TAPT1: variants seen among roughly 807,000 people sequenced by gnomAD.
TAPT1 encodes the protein transmembrane anterior posterior transformation 1, also known as transmembrane anterior posterior transformation protein 1 homolog.
In TAPT1, 28 loss-of-function variants were observed where a neutral mutation model predicts 65.6. That is an observed-to-expected ratio of 0.43 (90% CI 0.32 to 0.59). The LOEUF is 0.59. Ranked by LOEUF, TAPT1 falls within the 20% of genes least tolerant of loss-of-function variation. The pLI, the probability that TAPT1 is intolerant of heterozygous loss-of-function variation, is 0.09. For synonymous variants in TAPT1, 278 were observed against 245.2 expected, an observed-to-expected ratio of 1.13 and a Z score of -1.25; for missense variants, 563 against 679.9, an observed-to-expected ratio of 0.83 and a Z score of 1.91.
chr4:16,176,199 A>G lies in TAPT1; in HGVS notation c.1027T>C (p.Cys343Arg). 1.3e-6 allele frequency: 2 copies of G among 1,570,912 alleles called. No individual in the cohort carries two copies. Among genetic ancestry groups the G allele is most frequent in the South Asian group, 2.4e-5 (2 of 84,268 alleles). Residue 343 changes from cysteine to arginine, a missense_variant, in exon 9 of 14, where the codon TGT becomes CGT. By Grantham distance (180) the Cys-to-Arg change is radical. Coordinates refer to ENST00000405303, the MANE Select transcript of TAPT1 (RefSeq NM_153365.3). ...GCAATTTCTGATGCAATTACCATACAGACATCTGGAAACAACACCCAGAGA... is the reference window on the plus strand; with the variant it reads ...GCAATTTCTGATGCAATTACCATACGGACATCTGGAAACAACACCCAGAGA... ...DHLWVLFPDV[C>R]MVIASEIAVD...
intron 13 of TAPT1, among the ~76,000 whole-genome samples, chr4:16,165,775 C>G (rs1747568443): frequency 2.0e-5 from 3 of 152,088 alleles, no homozygotes; most frequent in African/African-American, 7.2e-5. Context: ...ATACTTCACG[C>G]AAACCTCCCA....
chr4:16,178,650 AGTGCCTGTCCTT>A (rs1455457458), intron 8 of TAPT1, among the ~76,000 whole-genome samples: 7 of 152,218 alleles, frequency 4.6e-5, no homozygotes, highest in African/African-American at 9.6e-5. Flanking sequence ...ACATTGCCAC[AGTGCCTGTCCTT>A]GTGCCTAGAA....
intron 1 of TAPT1, among the ~76,000 whole-genome samples, chr4:16,218,457 G>A (rs982411314): frequency 6.6e-6 from 1 of 152,186 alleles, no homozygotes; most frequent in Non-Finnish European, 1.5e-5. Flanking sequence ...GTCTTCTCTG[G>A]TGACTGGAGA....
chr4:16,168,426 T>C (rs993661227), intron 12 of TAPT1, among the ~76,000 whole-genome samples: 4 of 152,162 alleles, frequency 2.6e-5, no homozygotes, highest in African/African-American at 7.2e-5. Context: ...GCTCCTTTCG[T>C]AGTCTCCCGT....
chr4:16,191,202 A>T, intron 4 of TAPT1, 159 bp downstream of exon 4: 1 of 683,522 alleles, frequency 1.5e-6, no homozygotes, highest in East Asian at 2.8e-5. Flanking sequence ...ATCAGAATCC[A>T]TGTTTAAGAA....
intron 11 of TAPT1, among the ~76,000 whole-genome samples, chr4:16,172,830 G>GTT (rs768309557): frequency 1.4e-5 from 2 of 145,742 alleles, no homozygotes; most frequent in Non-Finnish European, 3.0e-5. Context: ...TGTTTTTGTT[G>GTT]TTTTTTTTTT....
In TAPT1 at chr4:16,213,738, T is replaced by C. The variant is rs746622356; in HGVS notation, c.330+30A>G. On this transcript the variant is annotated intron_variant, in intron 2 of 13. Transcript: ENST00000405303. Reference sequence around the variant, plus strand: ...TAATACTTTGACATAACTTTCAAAATGATGTCTGGTAATGAAGAAAAAATA... The same window carrying C: ...TAATACTTTGACATAACTTTCAAAACGATGTCTGGTAATGAAGAAAAAATA... The C allele has an allele frequency of 1.8e-5, 28 of 1,516,660 alleles. No individual in the cohort carries two copies. The African/African-American group carries it at 3.3e-4, about 18-fold the overall frequency. The allele number at this position is 1,516,660 out of a possible 1,614,324, so 94.0% of individuals were successfully genotyped here.
intron 4 of TAPT1, among the ~76,000 whole-genome samples, chr4:16,189,317 A>G (rs1749212639): frequency 6.6e-6 from 1 of 152,074 alleles, no homozygotes; most frequent in African/African-American, 2.4e-5. Flanking sequence ...AAGATATATC[A>G]TTTCCTAATG....
chr4:16,215,814 G>A (rs945646323), intron 1 of TAPT1, among the ~76,000 whole-genome samples: 9 of 152,162 alleles, frequency 5.9e-5, no homozygotes, highest in African/African-American at 2.2e-4. Context: ...TTTCTAATAT[G>A]TTCTACGCTG....
At chr4:16,192,841 G>C (rs762527457) in intron 3 of TAPT1, among the ~76,000 whole-genome samples, 1 of 152,064 alleles carries the variant, frequency 6.6e-6, no homozygotes, top group Non-Finnish European at 1.5e-5. Context: ...ACAATACAGG[G>C]GTGGGCTCAT....
chr4:16,217,835 T>C (rs2108895449), intron 1 of TAPT1, among the ~76,000 whole-genome samples: 1 of 152,334 alleles, frequency 6.6e-6, no homozygotes, highest in East Asian at 1.9e-4. Flanking sequence ...CAGCTGCTGC[T>C]GATTCAGGAG....
At chr4:16,184,023 T>C (rs1406140842) in intron 7 of TAPT1, among the ~76,000 whole-genome samples, 1 of 152,236 alleles carries the variant, frequency 6.6e-6, no homozygotes, top group Non-Finnish European at 1.5e-5. Flanking sequence ...ATTATTTTCC[T>C]TGTCTAATAT....
At chr4:16,193,492 C>T (rs993754337) in intron 3 of TAPT1, among the ~76,000 whole-genome samples, 5 of 152,148 alleles carry the variant, frequency 3.3e-5, no homozygotes, top group African/African-American at 1.2e-4. Context: ...GAATGTCCTT[C>T]ATCTCCTGAC....
At chr4:16,179,063 C>T (rs973893994) in intron 8 of TAPT1, 9 of 152,502 alleles carry the variant, frequency 5.9e-5, no homozygotes, top group African/African-American at 2.2e-4. Context: ...CATACCCAAT[C>T]CATTCTACTG....
intron 7 of TAPT1, among the ~76,000 whole-genome samples, chr4:16,180,782 CTTCT>C (rs1312237053): frequency 1.3e-5 from 2 of 152,130 alleles, no homozygotes; most frequent in Non-Finnish European, 2.9e-5. Flanking sequence ...TTGCTGGTAC[CTTCT>C]TTTTCAGGGT....
chr4:16,226,311 C>A lies in TAPT1; in HGVS notation c.147G>T (p.Thr49=), dbSNP rs1560197874. The stretch of plus-strand genomic sequence containing the variant: ...GCCGGTCGCTCTCGTAGAAGCCCAG[C>A]GTCTCTGTGAGCTGAGGCGCCGGCG... The part of the protein sequence containing the change: ...GPPPAPQLTE[T]LGFYESDRRR... Residue 49 remains threonine (T), a synonymous_variant, in exon 1 of 14, where the codon ACG becomes ACT. Transcript: ENST00000405303. 3 of 1,128,382 alleles carry A rather than the reference C, an allele frequency of 2.7e-6. No individual in the cohort carries two copies. The highest frequency in any genetic ancestry group is 4.9e-5 in the Admixed American group (1 of 20,282). The allele number at this position is 1,128,382 out of a possible 1,614,324, so 69.9% of individuals were successfully genotyped here.
intron 2 of TAPT1, among the ~76,000 whole-genome samples, chr4:16,213,430 G>A (rs1186834642): frequency 1.3e-5 from 2 of 151,688 alleles, no homozygotes; most frequent in South Asian, 4.2e-4. Flanking sequence ...CTGAATGGGG[G>A]AAAAAAAACC....
At chr4:16,202,221 A>G (rs1312179387) in intron 3 of TAPT1, among the ~76,000 whole-genome samples, 1 of 152,150 alleles carries the variant, frequency 6.6e-6, no homozygotes, top group Non-Finnish European at 1.5e-5. Context: ...CAGCATTAAC[A>G]TTATTTTACC....
Position 16,226,392 on chromosome 4 carries a change from C to T in TAPT1, c.66G>A (p.Gln22=). The T allele has an allele frequency of 2.7e-6, 3 of 1,098,568 alleles. No individual in the cohort carries two copies. The highest frequency in any genetic ancestry group is 2.2e-6 in the Non-Finnish European group (2 of 903,898). 68.1% of individuals were successfully genotyped at this position (1,098,568 alleles called of 1,614,324 possible). The change falls in exon 1 of 14, where the codon CAG becomes CAA. Residue 22 remains glutamine, a synonymous_variant. Coordinates refer to ENST00000405303, the MANE Select transcript of TAPT1 (RefSeq NM_153365.3). ...GCTCCGCCTCGCCGCGGCCGTCCCG[C>T]TGCGGGCCGTCCACGCCGCCACCGC... ...EGGGGGVDGP[Q]RDGRGEAEQP...
Sources: gnomAD v4.1 joint callset for allele counts (sites outside exome capture counted in the v4.1 genomes callset) on GRCh38, gnomAD v4.1.1 for gene constraint, MANE v1.5 for transcripts, NCBI Gene and HGNC (gene_info 2026-07-23, HGNC 2026-07-21) for gene names.